LMF1: variants seen among roughly 807,000 people sequenced by gnomAD.
LMF1 encodes lipase maturation factor 1, also known as transmembrane protein 112.
A neutral mutation model predicts 60.6 loss-of-function variants in LMF1; 68 were observed. The ratio of observed to expected loss-of-function variants is 1.12; its 90% CI spans 0.92 to 1.37. The LOEUF (loss-of-function observed/expected upper bound fraction) is 1.37, where lower values mean the gene tolerates loss of function less well. Among genes scored for constraint, LMF1 ranks in the 40% most tolerant of loss-of-function variants. The pLI is 0.00. For synonymous variants in LMF1, 418 were observed against 324.7 expected (o/e 1.29, Z -3.09); for missense variants, 948 against 767.2 (o/e 1.24, Z -2.78).
intron 1 of LMF1, among the ~76,000 whole-genome samples, chr16:959,959 A>T (rs1050732452): frequency 4.6e-5 from 7 of 152,194 alleles, no homozygotes; most frequent in Admixed American, 1.3e-4. Context: ...ACCTTCGTAT[A>T]CTTACAGATG....
At chr16:963,326 C>T (rs576202347) in intron 1 of LMF1, among the ~76,000 whole-genome samples, 5 of 152,172 alleles carry the variant, frequency 3.3e-5, no homozygotes, top group Admixed American at 2.0e-4. Flanking sequence ...GTGCAGGGAC[C>T]GCACCAGCAG....
chr16:883,347 A>G (rs1220699843), intron 5 of LMF1, among the ~76,000 whole-genome samples: 3 of 147,000 alleles, frequency 2.0e-5, no homozygotes, highest in Middle Eastern at 3.9e-3. Flanking sequence ...GAAGCCCATC[A>G]CAGGACCAGG....
intron 3 of LMF1, among the ~76,000 whole-genome samples, chr16:917,393 G>A (rs1201017240): frequency 2.2e-5 from 3 of 135,514 alleles, no homozygotes; most frequent in South Asian, 2.5e-4. Flanking sequence ...CGCTGCGGGC[G>A]GGCGCAGGCC....
intron 2 of LMF1, among the ~76,000 whole-genome samples, chr16:947,248 A>C (rs939429171): frequency 6.6e-5 from 10 of 152,186 alleles, no homozygotes; most frequent in Non-Finnish European, 1.3e-4. Flanking sequence ...TTTTACCATC[A>C]AATATGTCTA....
Position 910,125 on chromosome 16 carries a change from C to G in LMF1, c.663+806G>C, listed in dbSNP as rs1049281823. 2.0e-5 allele frequency among the ~76,000 whole-genome samples: 3 copies of G among 152,236 alleles called. No individual in the cohort carries two copies. The East Asian group carries it at 5.8e-4, about 29-fold the overall frequency. On this transcript the variant is annotated intron_variant, in intron 4 of 10. Coordinates refer to ENST00000262301, the MANE Select transcript of LMF1 (RefSeq NM_022773.4). ...GGAAGAGCAGGTGAGAGCTGCGTAG[C>G]TCTGGTCAGTGTGGCAGACGTCAAA...
chr16:916,661 C>A (rs1401316782), intron 3 of LMF1, among the ~76,000 whole-genome samples: 1 of 152,198 alleles, frequency 6.6e-6, no homozygotes, highest in Non-Finnish European at 1.5e-5. Context: ...CTGTGATCCG[C>A]CCACATGCAG....
intron 3 of LMF1, among the ~76,000 whole-genome samples, chr16:918,677 G>A (rs1175455050): frequency 2.6e-5 from 4 of 152,138 alleles, no homozygotes; most frequent in Non-Finnish European, 5.9e-5. Flanking sequence ...GTGCCTCAAG[G>A]GCCCCGGCCC....
chr16:947,743 G>A (rs141044760), intron 2 of LMF1: 226 of 364,652 alleles, frequency 6.2e-4, no homozygotes, highest in African/African-American at 4.4e-3. Flanking sequence ...AGCCAAGCGC[G>A]GATGACAGTC....
chr16:912,819 G>A (rs1265307069), intron 3 of LMF1, among the ~76,000 whole-genome samples: 1 of 152,212 alleles, frequency 6.6e-6, no homozygotes, highest in Non-Finnish European at 1.5e-5. Flanking sequence ...CAGCAGCTGC[G>A]CGGCGTGCAC....
chr16:879,770 G>A (rs746716054), intron 5 of LMF1, 33 bp from the exon 6 acceptor site: 3 of 1,550,098 alleles, frequency 1.9e-6, no homozygotes, highest in East Asian at 2.4e-5. Flanking sequence ...GAGGTGCCTG[G>A]CCGATCTCGG....
Position 962,853 on chromosome 16 carries a change from C to T in LMF1, c.193+7935G>A, listed in dbSNP as rs770550114. Among the ~76,000 whole-genome samples, 2 of 152,150 alleles carry T rather than the reference C, an allele frequency of 1.3e-5. No homozygotes were observed. Among genetic ancestry groups the T allele is most frequent in the African/African-American group, 2.4e-5 (1 of 41,424 alleles). ...AAAATTTTAAAAAGTAAAGGTTTCT[C>T]GAAGACTCTGCACCACTCAGTGCCC... On this transcript the variant is annotated intron_variant, in intron 1 of 10. Coordinates refer to ENST00000262301, the MANE Select transcript of LMF1 (RefSeq NM_022773.4). The surrounding 1 kb of genome is among the most constrained non-coding windows in gnomAD (Gnocchi z 4.5).
At chr16:910,121 G>A (rs1316297004) in intron 4 of LMF1, among the ~76,000 whole-genome samples, 4 of 152,230 alleles carry the variant, frequency 2.6e-5, no homozygotes, top group Non-Finnish European at 4.4e-5. Flanking sequence ...TGAGAGCTGC[G>A]TAGCTCTGGT....
At chr16:894,820 G>A (rs953791655) in intron 4 of LMF1, among the ~76,000 whole-genome samples, 12 of 152,242 alleles carry the variant, frequency 7.9e-5, no homozygotes, top group African/African-American at 2.4e-4. Flanking sequence ...GCGTGCTGGG[G>A]TGTCGGGCCT....
At chr16:891,568 T>G (rs986642801) in intron 5 of LMF1, among the ~76,000 whole-genome samples, 4 of 152,196 alleles carry the variant, frequency 2.6e-5, no homozygotes, top group African/African-American at 7.2e-5. Flanking sequence ...GCTTCTGGCC[T>G]GGAGACAAGG....
intron 1 of LMF1, chr16:976,749 C>A (rs1281101725): frequency 2.2e-5 from 10 of 454,018 alleles, no homozygotes; most frequent in Non-Finnish European, 4.4e-5. Flanking sequence ...CACAGCTGTT[C>A]CCGACACATC....
At chr16:867,385 C>T (rs540732846) in intron 10 of LMF1, among the ~76,000 whole-genome samples, 2 of 152,210 alleles carry the variant, frequency 1.3e-5, no homozygotes, top group African/African-American at 4.8e-5. Context: ...CACGACCTGA[C>T]GATGGCAAAC....
chr16:931,922 G>T, intron 3 of LMF1: 1 of 751,580 alleles, frequency 1.3e-6, no homozygotes, highest in Non-Finnish European at 1.9e-6. Flanking sequence ...GAATCAGTTA[G>T]AATGTATGAC....
chr16:972,939 G>A (rs565743215), upstream of LMF1, among the ~76,000 whole-genome samples: 120 of 152,336 alleles, frequency 7.9e-4, no homozygotes, highest in African/African-American at 2.7e-3. Context: ...GCCCAGAATG[G>A]CTCCAGAGCA....
chr16:879,722 T>A lies in LMF1; in HGVS notation c.745A>T (p.Asn249Tyr). 1 of 1,591,476 alleles carries A rather than the reference T, an allele frequency of 6.3e-7. No individual in the cohort carries two copies. Among genetic ancestry groups the A allele is most frequent in the Non-Finnish European group, 8.5e-7 (1 of 1,169,626 alleles). The change falls in exon 6 of 11, where the codon AAT becomes TAT. Residue 249 changes from asparagine to tyrosine, a missense_variant. By Grantham distance (143) the Asn-to-Tyr change is moderately radical. Transcript: ENST00000262301. ...DFHYETQPMPNPVAYYLHHSP... is the reference protein window; with the variant it reads ...DFHYETQPMPYPVAYYLHHSP... ...TGGTGCAGGTAGTACGCCACAGGAT[T>A]GGGCATCGGCTGGGTCTGCAGGGAC...
Sources: allele counts gnomAD v4.1 joint callset (sites outside exome capture counted in the v4.1 genomes callset), GRCh38; gene constraint gnomAD v4.1.1; non-coding constraint Gnocchi (gnomAD v3.1); transcripts MANE v1.5; gene names NCBI Gene and HGNC (gene_info 2026-07-23, HGNC 2026-07-21).